Variants in MYO10 observed in about 807,000 individuals in gnomAD.
MYO10 encodes unconventional myosin-X.
MYO10 carries 133 observed loss-of-function variants against 257.3 expected under a neutral mutation model. The observed-to-expected ratio is 0.52, with a 90% CI of 0.45 to 0.60. The LOEUF is 0.60. Among genes scored for constraint, MYO10 ranks in the 20% least tolerant of loss-of-function variants. MYO10 has a pLI of 0.00. For synonymous variants in MYO10, 1,104 were observed against 1,028.6 expected, an observed-to-expected ratio of 1.07 and a Z score of -1.40; for missense variants, 2,399 against 2,635.7, an observed-to-expected ratio of 0.91 and a Z score of 1.97.
intron 26 of MYO10, among the ~76,000 whole-genome samples, chr5:16,697,383 A>C (rs143831507): frequency 0.019 from 2,852 of 152,334 alleles, 46 homozygotes; most frequent in Middle Eastern, 0.041. Context: ...AGAAGCACAG[A>C]AAGAAAGAAG....
intron 1 of MYO10, among the ~76,000 whole-genome samples, chr5:16,926,702 A>G (rs956624132): frequency 8.6e-6 from 1 of 115,640 alleles, no homozygotes; most frequent in Non-Finnish European, 1.8e-5. Flanking sequence ...ACTCTGTCCC[A>G]GCAAAAAAAA....
chr5:16,730,845 G>C (rs932654033), intron 19 of MYO10, among the ~76,000 whole-genome samples: 1 of 152,158 alleles, frequency 6.6e-6, no homozygotes, highest in African/African-American at 2.4e-5. Context: ...GATGCAGCAC[G>C]CTGCGGAGGA....
At chr5:16,668,505 A>C in intron 39 of MYO10, 37 bp from the exon 40 acceptor site, 1 of 1,536,582 alleles carries the variant, frequency 6.5e-7, no homozygotes. Flanking sequence ...TTAAGTCATG[A>C]AGTGGTTGGC....
rs1178849731 is a variant in MYO10 at position 16,663,742 on chromosome 5, A to T, written c.*2950T>A. On this transcript the variant is annotated 3_prime_UTR_variant, in exon 41 of 41. Transcript: ENST00000513610. ...TTTAAAACACAGACACACACGGTATAACAGCTATTTATGCAGCATTTATGT... is the reference window on the plus strand; with the variant it reads ...TTTAAAACACAGACACACACGGTATTACAGCTATTTATGCAGCATTTATGT... 6.6e-6 allele frequency: 1 copy of T among 152,088 alleles called. No individual in the cohort carries two copies. The highest frequency in any genetic ancestry group is 1.5e-5 in the Non-Finnish European group (1 of 68,034). The allele number at this position is 152,088 out of a possible 1,614,324, so 9.4% of individuals were successfully genotyped here. A position where few individuals can be genotyped will look rare whatever the true frequency, so the allele number is the denominator to read the frequency against.
intron 1 of MYO10, among the ~76,000 whole-genome samples, chr5:16,904,516 G>A (rs1197434294): frequency 5.3e-5 from 8 of 152,174 alleles, no homozygotes; most frequent in African/African-American, 1.4e-4. Context: ...GGGGTCTGAC[G>A]CCGGGTAGAC....
chr5:16,701,015 G>T lies in MYO10; in HGVS notation c.3380C>A (p.Thr1127Asn), dbSNP rs568532110. The change falls in exon 25 of 41, where the codon ACC becomes AAC. Residue 1127 changes from threonine to asparagine, a missense_variant. Thr to Asn is a moderately conservative substitution (Grantham distance 65). Around this residue, in one of 3 missense-constraint regions of MYO10, gnomAD observed 1,820 missense variants for 1,939.4 expected, o/e 0.94. Transcript: ENST00000513610. The surrounding 1 kb of genome is among the most constrained non-coding windows in gnomAD (Gnocchi z 8.1). ...CCGGTAGGCACCCGAGCTGTTGTAG[G>T]TCCCCACAGAGCAGCGGTAGTCGGG... Reference protein sequence around the residue: ...WSPDYRCSVGTYNSSGAYRFS... With the variant: ...WSPDYRCSVGNYNSSGAYRFS... 1.3e-6 allele frequency: 2 copies of T among 1,562,086 alleles called. No individual in the cohort carries two copies. The highest frequency in any genetic ancestry group is 1.7e-6 in the Non-Finnish European group (2 of 1,153,236).
chr5:16,709,047 C>CTCTA (rs1258224473), intron 21 of MYO10, among the ~76,000 whole-genome samples: 1 of 152,200 alleles, frequency 6.6e-6, no homozygotes, highest in Admixed American at 6.5e-5. Flanking sequence ...GAACAATCAG[C>CTCTA]TCTACATGCT....
chr5:16,910,537 C>T (rs577264668), intron 1 of MYO10, among the ~76,000 whole-genome samples: 7 of 152,342 alleles, frequency 4.6e-5, no homozygotes, highest in South Asian at 2.1e-4. Context: ...CAATGTCCTA[C>T]ACTAAAGGGG....
At chr5:16,842,305 A>C (rs1333505177) in intron 2 of MYO10, among the ~76,000 whole-genome samples, 2 of 152,114 alleles carry the variant, frequency 1.3e-5, no homozygotes, top group East Asian at 3.9e-4. Flanking sequence ...AGCTACAGAA[A>C]GAGAGACAAA....
At position 16,701,364 on chromosome 5, in the gene MYO10, T is replaced by G. The variant is rs766304667; in HGVS notation, c.3031A>C (p.Ser1011Arg). The G allele has an allele frequency of 6.2e-7, 1 of 1,613,924 alleles. No individual in the cohort carries two copies. The highest frequency in any genetic ancestry group is 2.2e-5 in the East Asian group (1 of 44,860). The change falls in exon 25 of 41, where the codon AGC (serine) becomes CGC (arginine). Residue 1011 changes from serine to arginine, a missense_variant. Coordinates refer to ENST00000513610, the MANE Select transcript of MYO10 (RefSeq NM_012334.3). This position sits in a 1 kb window ranked among gnomAD's most constrained non-coding sequence, Gnocchi z 8.1. ...CGCTGGTCTGAGTGGCCGTGCTCGC[T>G]GGGGTTGGGGGAGTCCTTGAAGGCG... Reference protein sequence around the residue: ...DDAFKDSPNPSEHGHSDQRTS... With the variant: ...DDAFKDSPNPREHGHSDQRTS...
At chr5:16,909,775 A>G (rs1241283574) in intron 1 of MYO10, among the ~76,000 whole-genome samples, 1 of 152,120 alleles carries the variant, frequency 6.6e-6, no homozygotes. Flanking sequence ...GGAAGTGTTC[A>G]TGATCGTGGG....
chr5:16,784,675 C>T (rs1741520800), intron 4 of MYO10, among the ~76,000 whole-genome samples: 1 of 152,196 alleles, frequency 6.6e-6, no homozygotes, highest in African/African-American at 2.4e-5. Context: ...ACGCTGACAA[C>T]CGCTGAATGG....
intron 2 of MYO10, among the ~76,000 whole-genome samples, chr5:16,845,579 T>A (rs138244557): frequency 6.6e-6 from 1 of 151,996 alleles, no homozygotes; most frequent in South Asian, 2.1e-4. Context: ...GGCAGGAGGA[T>A]TGCTTGAGCC....
At chr5:16,686,151 T>TA (rs34815787) in intron 28 of MYO10, among the ~76,000 whole-genome samples, 44,896 of 151,968 alleles carry the variant, frequency 0.3, 6,798 homozygotes, top group South Asian at 0.38. Flanking sequence ...CAGCAAATAA[T>TA]AAATCCTCAG....
intron 2 of MYO10, chr5:16,854,252 C>T (rs909640875): frequency 6.6e-6 from 1 of 152,184 alleles, no homozygotes; most frequent in Non-Finnish European, 1.5e-5. Flanking sequence ...ATTAGTCACA[C>T]ATGGCTAGCT....
In MYO10 at chr5:16,834,233, A is replaced by G. The variant is rs572800318; in HGVS notation, c.121-16066T>C. 1.1e-4 allele frequency among the ~76,000 whole-genome samples: 16 copies of G among 152,218 alleles called. 1 individual carries two copies. In the East Asian group the frequency reaches 3.1e-3, roughly 29 times the overall value. On this transcript the variant is annotated intron_variant, in intron 2 of 40. Coordinates refer to ENST00000513610, the MANE Select transcript of MYO10 (RefSeq NM_012334.3). The stretch of plus-strand genomic sequence containing the variant: ...ACAGCACCTTGGACAGAAACCTCTC[A>G]GGTCACTTACATTCTATTGTAACCT...
At chr5:16,705,031 C>T (rs556543520) in intron 21 of MYO10, among the ~76,000 whole-genome samples, 1 of 152,138 alleles carries the variant, frequency 6.6e-6, no homozygotes, top group Non-Finnish European at 1.5e-5. Context: ...ACGAATAGTT[C>T]ATGGACCAGC....
rs763073505 is a variant in MYO10, at chr5:16,681,292, G to A, written c.4384+17C>T. ...TTAAGATTTGATGCTCAGGGTTCGG[G>A]CAGCCAGCCTGGTTACCTGTCTCTT... is the stretch of plus-strand genomic sequence containing the variant. On this transcript the variant is annotated intron_variant, in intron 32 of 40. Coordinates refer to ENST00000513610, the MANE Select transcript of MYO10 (RefSeq NM_012334.3). 1.3e-6 allele frequency: 2 copies of A among 1,598,584 alleles called. No homozygotes were observed. The highest frequency in any genetic ancestry group is 3.5e-5 in the Admixed American group (2 of 56,616).
chr5:16,718,383 G>A (rs892349478), intron 19 of MYO10, among the ~76,000 whole-genome samples: 1 of 152,264 alleles, frequency 6.6e-6, no homozygotes, highest in African/African-American at 2.4e-5. Context: ...CAGCCCTGGT[G>A]CGGGATCCAC....
Sources: gnomAD v4.1 joint callset for allele counts (sites outside exome capture counted in the v4.1 genomes callset) on GRCh38, gnomAD v4.1.1 for gene constraint, gnomAD v4.1.1 regional missense constraint, Gnocchi (gnomAD v3.1) non-coding constraint, MANE v1.5 for transcripts, NCBI Gene and HGNC (gene_info 2026-07-23, HGNC 2026-07-21) for gene names.